Variants in NLRP11 observed in about 807,000 individuals in gnomAD.
NLRP11 encodes NLR family pyrin domain containing 11, also known as NACHT, LRR and PYD domains-containing protein 11.
NLRP11 carries 53 observed loss-of-function variants against 79.3 expected under a neutral mutation model. That is an observed-to-expected ratio of 0.67 (90% confidence interval 0.54 to 0.84). The LOEUF (loss-of-function observed/expected upper bound fraction) is 0.84. Ranked by LOEUF, NLRP11 falls within the 40% of genes least tolerant of loss-of-function variation. The pLI is 0.00. For missense variants in NLRP11, 1,264 were observed against 1,255.0 expected (o/e 1.01, Z -0.11); for synonymous variants, 518 against 462.6 (o/e 1.12, Z -1.54).
intron 1 of NLRP11, among the ~76,000 whole-genome samples, chr19:55,819,188 C>CAG (rs1279604071): frequency 1.3e-4 from 18 of 138,704 alleles, no homozygotes; most frequent in African/African-American, 2.7e-4. Flanking sequence ...CACACACACA[C>CAG]AGGTTGCCTC....
intron 4 of NLRP11, among the ~76,000 whole-genome samples, chr19:55,805,768 A>G (rs1440509471): frequency 2.6e-5 from 4 of 152,016 alleles, no homozygotes; most frequent in African/African-American, 9.7e-5. Flanking sequence ...TCGAACTCCC[A>G]ACCTCAAGTG....
chr19:55,785,681 GA>G lies in NLRP11; in HGVS notation c.3045del (p.Arg1017GlufsTer6). 1 of 1,614,016 alleles carries G rather than the reference GA, an allele frequency of 6.2e-7. No homozygotes were observed. The highest frequency in any genetic ancestry group is 1.6e-4 in the Middle Eastern group (1 of 6,062). ...GTTCTCATGGCTGCAGACATTCTGG[GA>G]AATTTGAAAAACATGTAATCCAAAT... On this transcript the variant is annotated frameshift_variant, in exon 10 of 10. Coordinates refer to ENST00000589093, the Ensembl canonical transcript of NLRP11. LOFTEE classifies it low-confidence loss of function (END_TRUNC).
At chr19:55,792,810 A>G (rs1978406604) in intron 6 of NLRP11, among the ~76,000 whole-genome samples, 2 of 152,240 alleles carry the variant, frequency 1.3e-5, no homozygotes, top group Admixed American at 6.5e-5. Context: ...TTTCAGTTTA[A>G]AAACTCACTT....
intron 5 of NLRP11, among the ~76,000 whole-genome samples, chr19:55,800,292 T>C (rs773031733): frequency 3.9e-5 from 6 of 152,172 alleles, no homozygotes; most frequent in African/African-American, 7.2e-5. Context: ...TACATTTACA[T>C]TGGAATTTAT....
chr19:55,819,126 TACACACACACAC>T (rs59055964), intron 1 of NLRP11, among the ~76,000 whole-genome samples: 7,150 of 105,124 alleles, frequency 0.068, 360 homozygotes, highest in East Asian at 0.18. Flanking sequence ...TGGTATCGCC[TACACACACACAC>T]ACACACACAC....
chr19:55,785,676 T>A, exon 10 of NLRP11: 1 of 1,614,120 alleles, frequency 6.2e-7, no homozygotes. Flanking sequence ...CTGCAGACAT[T>A]CTGGGAAATT....
At chr19:55,818,291 CA>C (rs745639625) in intron 1 of NLRP11, 55 bp from the exon 2 acceptor site, 18 of 755,876 alleles carry the variant, frequency 2.4e-5, no homozygotes, top group Non-Finnish European at 3.6e-5. Flanking sequence ...CCAATTCATC[CA>C]AAGCTAACAT....
At chr19:55,808,587 T>A (rs1269266446) in intron 3 of NLRP11, among the ~76,000 whole-genome samples, 182 bp downstream of exon 3, 1 of 151,840 alleles carries the variant, frequency 6.6e-6, no homozygotes, top group Non-Finnish European at 1.5e-5. Flanking sequence ...AGTGCTGAGG[T>A]TTAACTCAAA....
At chr19:55,817,061 G>GA (rs2122864676) in intron 2 of NLRP11, among the ~76,000 whole-genome samples, 1 of 152,048 alleles carries the variant, frequency 6.6e-6, no homozygotes, top group South Asian at 2.1e-4. Context: ...GATAGTCCTT[G>GA]AAAAAATGAA....
intron 1 of NLRP11, among the ~76,000 whole-genome samples, chr19:55,827,611 A>G (rs200321891): frequency 0.013 from 1,822 of 135,164 alleles, 17 homozygotes; most frequent in East Asian, 0.043. Context: ...CAAAGGATAT[A>G]AACAGACACT....
chr19:55,823,009 C>T (rs1427117237), intron 1 of NLRP11, among the ~76,000 whole-genome samples: 2 of 151,170 alleles, frequency 1.3e-5, no homozygotes, highest in Non-Finnish European at 2.9e-5. Context: ...ACTTAAATGT[C>T]CCTGTCTGAC....
chr19:55,788,844 T>G, exon 9 of NLRP11: 1 of 1,603,654 alleles, frequency 6.2e-7, no homozygotes, highest in African/African-American at 1.4e-5. Flanking sequence ...CTGATCAAGC[T>G]CTCAAGAAGT....
chr19:55,792,575 C>G (rs1025432302), intron 6 of NLRP11, 104 bp from the exon 7 acceptor site: 1 of 766,016 alleles, frequency 1.3e-6, no homozygotes, highest in African/African-American at 1.7e-5. Context: ...CCTTCTACTG[C>G]CATTGCCCCA....
At chr19:55,810,384 G>C (rs1198285390) in intron 2 of NLRP11, 46 bp from the exon 3 acceptor site, 58 of 1,523,080 alleles carry the variant, frequency 3.8e-5, no homozygotes, top group Non-Finnish European at 5.0e-5. Context: ...AAAGATGAAA[G>C]TTCAAGATGT....
At chr19:55,812,691 T>C (rs1231643302) in intron 2 of NLRP11, among the ~76,000 whole-genome samples, 1 of 152,078 alleles carries the variant, frequency 6.6e-6, no homozygotes, top group Non-Finnish European at 1.5e-5. Flanking sequence ...TGGAGGTTCC[T>C]CAAAAAATGA....
intron 7 of NLRP11, among the ~76,000 whole-genome samples, chr19:55,790,903 T>G (rs758287395): frequency 9.2e-5 from 14 of 152,172 alleles, no homozygotes; most frequent in Non-Finnish European, 2.1e-4. Context: ...CTATGGGAGC[T>G]CATAGAGGAG....
intron 4 of NLRP11, among the ~76,000 whole-genome samples, chr19:55,805,210 T>C (rs1347479655): frequency 2.0e-5 from 3 of 151,998 alleles, no homozygotes; most frequent in African/African-American, 7.2e-5. Flanking sequence ...GGGCAACAGC[T>C]TTGGTCATTG....
exon 3 of NLRP11, chr19:55,810,223 G>A (rs145807373): frequency 1.2e-6 from 2 of 1,614,012 alleles, no homozygotes; most frequent in Non-Finnish European, 1.7e-6. Context: ...GAAGTATGTA[G>A]AACACATCTG....
chr19:55,805,760 G>A (rs895309969), intron 4 of NLRP11, among the ~76,000 whole-genome samples: 13 of 152,090 alleles, frequency 8.5e-5, no homozygotes, highest in African/African-American at 2.9e-4. Flanking sequence ...GGCTGGTCTC[G>A]AACTCCCAAC....
Sources: gnomAD v4.1 joint callset for allele counts (sites outside exome capture counted in the v4.1 genomes callset) on GRCh38, gnomAD v4.1.1 for gene constraint, MANE v1.5 for transcripts, NCBI Gene and HGNC (gene_info 2026-07-23, HGNC 2026-07-21) for gene names.